ATG2B: variants seen among roughly 807,000 people sequenced by gnomAD.
ATG2B encodes the protein autophagy-related protein 2 homolog B.
A neutral mutation model predicts 241.3 loss-of-function variants in ATG2B; 121 were observed. That is an observed-to-expected ratio of 0.50 (90% CI 0.43 to 0.58). The LOEUF (loss-of-function observed/expected upper bound fraction) is 0.58. Ranked by LOEUF, ATG2B falls within the 20% of genes least tolerant of loss-of-function variation. The pLI is 0.00. For synonymous variants in ATG2B, 858 were observed against 876.6 expected, an observed-to-expected ratio of 0.98 and a Z score of 0.37; for missense variants, 2,306 against 2,491.6, an observed-to-expected ratio of 0.93 and a Z score of 1.59.
At chr14:96,360,968 T>C (rs1170218211) in intron 1 of ATG2B, among the ~76,000 whole-genome samples, 1 of 96,768 alleles carries the variant, frequency 1.0e-5, no homozygotes, top group African/African-American at 3.8e-5. Context: ...AGTGTGAAAA[T>C]AAACTGAATT....
At chr14:96,314,548 C>T (rs939055150) in intron 23 of ATG2B, among the ~76,000 whole-genome samples, 1 of 152,246 alleles carries the variant, frequency 6.6e-6, no homozygotes, top group African/African-American at 2.4e-5. Context: ...AGACATTCTA[C>T]AAGTCCTGGG....
intron 5 of ATG2B, 82 bp from the exon 6 acceptor site, chr14:96,341,783 G>C: frequency 9.1e-7 from 1 of 1,093,860 alleles, no homozygotes; most frequent in East Asian, 2.7e-5. Context: ...GTCAACTTAA[G>C]AAGAATAAAA....
At chr14:96,326,078 T>C (rs1887581454) in intron 14 of ATG2B, among the ~76,000 whole-genome samples, 156 bp from the exon 15 acceptor site, 1 of 152,206 alleles carries the variant, frequency 6.6e-6, no homozygotes, top group Non-Finnish European at 1.5e-5. Flanking sequence ...ATTAATTTAG[T>C]GTAAAAAAAT....
At chr14:96,358,083 G>A (rs993989192) in intron 1 of ATG2B, among the ~76,000 whole-genome samples, 16 of 152,156 alleles carry the variant, frequency 1.1e-4, no homozygotes, top group African/African-American at 3.1e-4. Flanking sequence ...TTGTGGCAGA[G>A]AAGTTGAAAT....
At chr14:96,352,823 C>G (rs1437389357) in intron 1 of ATG2B, among the ~76,000 whole-genome samples, 7 of 151,594 alleles carry the variant, frequency 4.6e-5, no homozygotes, top group African/African-American at 1.7e-4. Flanking sequence ...TTAATATAGT[C>G]TAGCCGAAGT....
chr14:96,311,572 A>G lies in ATG2B; in HGVS notation c.3960T>C (p.Thr1320=). The G allele has an allele frequency of 6.2e-7, 1 of 1,609,808 alleles. No homozygotes were observed. Among genetic ancestry groups the G allele is most frequent in the South Asian group, 1.1e-5 (1 of 90,164 alleles). The part of the protein sequence containing the change: ...MDMGLLELTI[T]AVKSDSDGEQ... ...CTCCATCAGAATCAGACTTCACTGC[A>G]GTTATGGTTAACTCCAAAAGCCCCA... Residue 1320 remains threonine, a synonymous_variant, in exon 27 of 42, where the codon ACT becomes ACC. Coordinates refer to ENST00000359933, the MANE Select transcript of ATG2B (RefSeq NM_018036.7).
chr14:96,328,767 C>T lies in ATG2B; in HGVS notation c.1882-1G>A. On this transcript the variant is annotated splice_acceptor_variant, in intron 12 of 41. Transcript: ENST00000359933. LOFTEE classifies it high-confidence loss of function. ...CTTCTTTGGAATGGAACGTTAAAAG[C>T]TTAAAAGTAAAGATGAAGATAAATT... 6.2e-7 allele frequency: 1 copy of T among 1,600,616 alleles called. No individual in the cohort carries two copies. Among genetic ancestry groups the T allele is most frequent in the Non-Finnish European group, 8.5e-7 (1 of 1,171,374 alleles).
rs974341697 is a variant in ATG2B at position 96,279,318 on chromosome 14, T to C, written c.*6437A>G. 2.6e-5 allele frequency: 4 copies of C among 152,236 alleles called. No individual in the cohort carries two copies. The highest frequency in any genetic ancestry group is 9.6e-5 in the African/African-American group (4 of 41,464). 9.4% of individuals were successfully genotyped at this position (152,236 alleles called of 1,614,324 possible). ...AAAGGACATCTGTAAGTAGTAATCA[T>C]GTGATCTTGGGCAAAGAATTTCCCC... On this transcript the variant is annotated 3_prime_UTR_variant, in exon 42 of 42. Transcript: ENST00000359933.
chr14:96,355,594 G>C (rs1287495309), intron 1 of ATG2B, among the ~76,000 whole-genome samples: 1 of 152,048 alleles, frequency 6.6e-6, no homozygotes, highest in Non-Finnish European at 1.5e-5. Context: ...CATTAATGAG[G>C]TAATATATGT....
In ATG2B at chr14:96,325,930, A is replaced by G; in HGVS notation, c.2164-8T>C. On this transcript the variant is annotated splice_region_variant and splice_polypyrimidine_tract_variant and intron_variant, in intron 14 of 41. Coordinates refer to ENST00000359933, the MANE Select transcript of ATG2B (RefSeq NM_018036.7). ...TTCAGTGAAAGCCTTGTGCTAAAAC[A>G]CAAAACATCAAAAATATGCCAAAAT... 3 of 1,607,252 alleles carry G rather than the reference A, an allele frequency of 1.9e-6. No individual in the cohort carries two copies. Among genetic ancestry groups the G allele is most frequent in the Non-Finnish European group, 2.5e-6 (3 of 1,176,632 alleles).
rs117897340 is a variant in ATG2B at position 96,294,132 on chromosome 14, G to A, written c.5426+828C>T. ...CATCACTATGCAAAATATTTAAAACGTGACAACCCTTCCAATTAGTAATAC... is the reference window on the plus strand; with the variant it reads ...CATCACTATGCAAAATATTTAAAACATGACAACCCTTCCAATTAGTAATAC... On this transcript the variant is annotated intron_variant, in intron 36 of 41. Coordinates refer to ENST00000359933, the MANE Select transcript of ATG2B (RefSeq NM_018036.7). 4.3e-3 allele frequency among the ~76,000 whole-genome samples: 657 copies of A among 152,110 alleles called. 26 individuals are homozygous for A. The South Asian group carries it at 0.068, about 16-fold the overall frequency.
At chr14:96,351,604 C>G (rs1324242974) in intron 1 of ATG2B, among the ~76,000 whole-genome samples, 1 of 152,058 alleles carries the variant, frequency 6.6e-6, no homozygotes, top group Non-Finnish European at 1.5e-5. Context: ...GGCATGGTGG[C>G]CCACGCCTTT....
At chr14:96,312,255 TATGAAC>T in intron 25 of ATG2B, 96 bp from the exon 26 acceptor site, 1 of 823,332 alleles carries the variant, frequency 1.2e-6, no homozygotes, top group East Asian at 2.8e-5. Context: ...TTCTTTCTGG[TATGAAC>T]ATTGTTGAAA....
In ATG2B at chr14:96,345,257, T is replaced by C. The variant is rs1447100095; in HGVS notation, c.454A>G (p.Lys152Glu). The C allele has an allele frequency of 6.2e-7, 1 of 1,611,746 alleles. No individual in the cohort carries two copies. The change falls in exon 3 of 42, where the codon AAG becomes GAG. Residue 152 changes from lysine (K) to glutamate (E), a missense_variant. Lys to Glu is a moderately conservative substitution (Grantham distance 56, BLOSUM62 1). Coordinates refer to ENST00000359933, the MANE Select transcript of ATG2B (RefSeq NM_018036.7). ...EGSQPFEGLE[K>E]FAETIETVLR... ...CCTGTTTCAATGGTTTCAGCAAACT[T>C]TTCAAGTCCTTCAAAAGGCTGGGAT...
intron 10 of ATG2B, 36 bp downstream of exon 10, chr14:96,332,269 G>C: frequency 6.6e-7 from 1 of 1,525,076 alleles, no homozygotes; most frequent in Non-Finnish European, 9.0e-7. Flanking sequence ...AAAAATTCCA[G>C]CGGAAACTAA....
In ATG2B at chr14:96,290,289, T is replaced by A. The variant is rs148578456; in HGVS notation, c.5856+147A>T. 2.1e-3 allele frequency: 2,701 copies of A among 1,280,792 alleles called. 47 individuals are homozygous for A. The African/African-American group carries it at 0.036, about 17-fold the overall frequency. 79.3% of individuals were successfully genotyped at this position (1,280,792 alleles called of 1,614,324 possible). ...TATTTAACACTAAACATTTAAGCAA[T>A]AAAACAAGCATGACATTAAATCACT... On this transcript the variant is annotated intron_variant, in intron 40 of 41. Coordinates refer to ENST00000359933, the MANE Select transcript of ATG2B (RefSeq NM_018036.7). This position sits in a 1 kb window ranked among gnomAD's most constrained non-coding sequence, Gnocchi z 4.4.
At chr14:96,338,430 T>C (rs961138811) in intron 6 of ATG2B, among the ~76,000 whole-genome samples, 4 of 152,158 alleles carry the variant, frequency 2.6e-5, no homozygotes, top group Admixed American at 6.6e-5. Context: ...GTTTGTTATA[T>C]ATGTCTTTTA....
At chr14:96,354,215 G>C (rs1888412195) in intron 1 of ATG2B, among the ~76,000 whole-genome samples, 1 of 152,132 alleles carries the variant, frequency 6.6e-6, no homozygotes, top group Non-Finnish European at 1.5e-5. Flanking sequence ...ATGGTGGTTT[G>C]CTGCACAGAT....
In ATG2B at chr14:96,332,389, A is replaced by G. The variant is rs1887761248; in HGVS notation, c.1384T>C (p.Phe462Leu). The change falls in exon 10 of 42, where the codon TTC becomes CTC. Residue 462 changes from phenylalanine to leucine, a missense_variant. By Grantham distance (22) the Phe-to-Leu change is conservative. Around this residue, in one of 2 missense-constraint regions of ATG2B, gnomAD observed 1,927 missense variants for 2,011.2 expected, o/e 0.96. Transcript: ENST00000359933. ...ATVLQPTWGE[F>L]LDHHKEQPVR... ...GGCTGTTCTTTATGATGATCAAGGA[A>G]CTCTCCCCAAGTGGGCTGAAGCTAT... The G allele has an allele frequency of 6.2e-7, 1 of 1,613,556 alleles. No individual in the cohort carries two copies. Among genetic ancestry groups the G allele is most frequent in the South Asian group, 1.1e-5 (1 of 91,046 alleles).
Sources: gnomAD v4.1 joint callset for allele counts (sites outside exome capture counted in the v4.1 genomes callset) on GRCh38, gnomAD v4.1.1 for gene constraint, gnomAD v4.1.1 regional missense constraint, Gnocchi (gnomAD v3.1) non-coding constraint, MANE v1.5 for transcripts, NCBI Gene and HGNC (gene_info 2026-07-23, HGNC 2026-07-21) for gene names.